DRC1: variants seen among roughly 807,000 people sequenced by gnomAD.
DRC1 encodes the protein dynein regulatory complex subunit 1.
DRC1 carries 74 observed loss-of-function variants against 98.7 expected under a neutral mutation model. That is an observed-to-expected ratio of 0.75 (90% CI 0.62 to 0.91). The LOEUF is 0.91. Ranked by LOEUF, DRC1 falls within the 40% of genes least tolerant of loss-of-function variation. The pLI is 0.00. For missense variants in DRC1, 875 were observed against 886.0 expected (o/e 0.99, Z 0.16); for synonymous variants, 336 against 334.1 (o/e 1.01, Z -0.06).
chr2:26,416,249 T>C (rs1384996253), intron 2 of DRC1, among the ~76,000 whole-genome samples: 1 of 152,110 alleles, frequency 6.6e-6, no homozygotes, highest in Non-Finnish European at 1.5e-5. Flanking sequence ...CCTGCAGTTT[T>C]TCATTTTTTT....
chr2:26,440,097 A>C (rs1247009880), intron 7 of DRC1, among the ~76,000 whole-genome samples: 1 of 150,918 alleles, frequency 6.6e-6, no homozygotes, highest in Non-Finnish European at 1.5e-5. Flanking sequence ...TCCAGTATAA[A>C]TTTCTACCAA....
chr2:26,441,111 C>T (rs1572377635), intron 8 of DRC1, among the ~76,000 whole-genome samples: 2 of 152,182 alleles, frequency 1.3e-5, no homozygotes, highest in East Asian at 3.9e-4. Flanking sequence ...TACATCCTTC[C>T]CTTCTTCCTC....
intron 1 of DRC1, among the ~76,000 whole-genome samples, chr2:26,412,355 C>G (rs1023854001): frequency 6.6e-6 from 1 of 152,034 alleles, no homozygotes; most frequent in Non-Finnish European, 1.5e-5. Context: ...GCAACAAGAG[C>G]GAAACTCCGT....
intron 2 of DRC1, among the ~76,000 whole-genome samples, chr2:26,419,624 A>C (rs548502268): frequency 4.1e-4 from 62 of 152,330 alleles, no homozygotes; most frequent in Middle Eastern, 3.4e-3. Flanking sequence ...TAATAGTGAG[A>C]TCAAGTGAAG....
intron 7 of DRC1, among the ~76,000 whole-genome samples, chr2:26,434,902 A>AAT (rs1553342123): frequency 6.6e-6 from 1 of 151,750 alleles, no homozygotes; most frequent in Non-Finnish European, 1.5e-5. Context: ...AAAAAAAAAA[A>AAT]AAAGAAAGAA....
chr2:26,454,989 G>A lies in DRC1; in HGVS notation c.2064-142G>A. ...TGCCTGTTCTGTTCCTGCTAACCTG[G>A]CTCACCTGGCGGCTGGGTGAAGAGT... is the stretch of plus-strand genomic sequence containing the variant. On this transcript the variant is annotated intron_variant, in intron 15 of 16. Coordinates refer to ENST00000288710, the MANE Select transcript of DRC1 (RefSeq NM_145038.5). The surrounding 1 kb of genome is among the most constrained non-coding windows in gnomAD (Gnocchi z 5.2). 7.5e-7 allele frequency: 1 copy of A among 1,326,546 alleles called. No individual in the cohort carries two copies. The highest frequency in any genetic ancestry group is 1.1e-6 in the Non-Finnish European group (1 of 934,486). The allele number at this position is 1,326,546 out of a possible 1,614,324, so 82.2% of individuals were successfully genotyped here.
At position 26,434,835 on chromosome 2, in the gene DRC1, C is replaced by G. The variant is rs985511382; in HGVS notation, c.888+2829C>G. The stretch of plus-strand genomic sequence containing the variant: ...GAACCAGGGAGGCGGAGCTTGCAGT[C>G]AGCCGAGATTTCACCACTGCACTCC... On this transcript the variant is annotated intron_variant, in intron 7 of 16. Coordinates refer to ENST00000288710, the MANE Select transcript of DRC1 (RefSeq NM_145038.5). Among the ~76,000 whole-genome samples the G allele has an allele frequency of 1.7e-4, 25 of 149,668 alleles. No homozygotes were observed. In the East Asian group the frequency reaches 1.8e-3, roughly 10 times the overall value.
chr2:26,446,011 T>A (rs542495846), intron 10 of DRC1, among the ~76,000 whole-genome samples: 1 of 152,112 alleles, frequency 6.6e-6, no homozygotes, highest in Admixed American at 6.5e-5. Flanking sequence ...GACCAGGTGT[T>A]CAAGGCACAC....
intron 13 of DRC1, among the ~76,000 whole-genome samples, chr2:26,451,695 A>AG (rs1389473334): frequency 3.3e-5 from 5 of 152,166 alleles, no homozygotes; most frequent in Non-Finnish European, 7.3e-5. Context: ...ACTGTCTCTA[A>AG]GGGAAAAAAA....
intron 8 of DRC1, among the ~76,000 whole-genome samples, chr2:26,443,618 C>T (rs1412311289): frequency 6.6e-6 from 1 of 152,190 alleles, no homozygotes; most frequent in Admixed American, 6.5e-5. Flanking sequence ...TGTATTGAAA[C>T]GTATCTTTGT....
intron 2 of DRC1, among the ~76,000 whole-genome samples, chr2:26,418,879 TA>T (rs1236482030): frequency 7.1e-6 from 1 of 141,214 alleles, no homozygotes; most frequent in East Asian, 2.0e-4. Flanking sequence ...CATTATATAT[TA>T]TATATATTAT....
intron 13 of DRC1, among the ~76,000 whole-genome samples, chr2:26,451,842 T>G (rs1664015233): frequency 6.6e-6 from 1 of 152,130 alleles, no homozygotes; most frequent in Non-Finnish European, 1.5e-5. Context: ...AAGAGATGAA[T>G]GACAAGCTGC....
In DRC1 at chr2:26,454,853, G is replaced by T; in HGVS notation, c.2063+63G>T. Reference sequence around the variant, plus strand: ...GGCAGGTGAGGAACGGTTGTTGGGAGCAGCCGCGTTTGCTGCCTCCCTGTC... The same window carrying T: ...GGCAGGTGAGGAACGGTTGTTGGGATCAGCCGCGTTTGCTGCCTCCCTGTC... On this transcript the variant is annotated intron_variant, in intron 15 of 16. Coordinates refer to ENST00000288710, the MANE Select transcript of DRC1 (RefSeq NM_145038.5). This position sits in a 1 kb window ranked among gnomAD's most constrained non-coding sequence, Gnocchi z 5.2. The T allele has an allele frequency of 6.2e-7, 1 of 1,605,452 alleles. No individual in the cohort carries two copies. The highest frequency in any genetic ancestry group is 8.5e-7 in the Non-Finnish European group (1 of 1,174,760).
intron 3 of DRC1, among the ~76,000 whole-genome samples, chr2:26,422,243 G>A (rs975571328): frequency 6.6e-6 from 1 of 152,188 alleles, no homozygotes; most frequent in African/African-American, 2.4e-5. Context: ...ATGTATGCGG[G>A]TAATGGAAGA....
At chr2:26,408,270 G>C (rs1678486860) in intron 1 of DRC1, among the ~76,000 whole-genome samples, 1 of 152,064 alleles carries the variant, frequency 6.6e-6, no homozygotes, top group Non-Finnish European at 1.5e-5. Context: ...GGAGGATCTA[G>C]GGCTTGGGGG....
At chr2:26,419,836 A>G (rs376653391) in intron 2 of DRC1, among the ~76,000 whole-genome samples, 1 of 152,198 alleles carries the variant, frequency 6.6e-6, no homozygotes, top group Non-Finnish European at 1.5e-5. Flanking sequence ...GATACTGGAG[A>G]TGGAATTTAC....
In DRC1 at chr2:26,440,319, TTGTG is replaced by T. The variant is rs138497746; in HGVS notation, c.889-35_889-32del. 1.4e-3 allele frequency: 1,755 copies of T among 1,266,782 alleles called. 2 individuals are homozygous for T. Among genetic ancestry groups the T allele is most frequent in the African/African-American group, 9.7e-3 (623 of 64,134 alleles). 78.5% of individuals were successfully genotyped at this position (1,266,782 alleles called of 1,614,324 possible). ...GGATGCAGGTGTAGAGTTAGTGTGT[TTGTG>T]TGTGTGTGTGTGTGTGTGTGTGTAT... On this transcript the variant is annotated intron_variant, in intron 7 of 16. Transcript: ENST00000288710.
In DRC1 at chr2:26,449,826, G is replaced by A. The variant is rs76828151; in HGVS notation, c.1510-170G>A. Among the ~76,000 whole-genome samples, 3,843 of 152,176 alleles carry A rather than the reference G, an allele frequency of 0.025. 166 individuals are homozygous for A. Among genetic ancestry groups the A allele is most frequent in the African/African-American group, 0.086 (3,560 of 41,472 alleles). ...GGCCTTGCTCCCTGGGGAGGGGGGC[G>A]TTCATGGGCACCCCAAGAAGGCTTT... On this transcript the variant is annotated intron_variant, in intron 11 of 16. Coordinates refer to ENST00000288710, the MANE Select transcript of DRC1 (RefSeq NM_145038.5).
chr2:26,424,493 C>G (rs763506835), intron 4 of DRC1, 39 bp downstream of exon 4: 55 of 1,576,302 alleles, frequency 3.5e-5, no homozygotes, highest in African/African-American at 5.4e-5. Context: ...CACAGGGGAT[C>G]TGCCTGGGAT....
Sources: allele counts gnomAD v4.1 joint callset (sites outside exome capture counted in the v4.1 genomes callset), GRCh38; gene constraint gnomAD v4.1.1; non-coding constraint Gnocchi (gnomAD v3.1); transcripts MANE v1.5; gene names NCBI Gene and HGNC (gene_info 2026-07-23, HGNC 2026-07-21).